KLHL13: variants seen among roughly 807,000 people sequenced by gnomAD.
The protein encoded by KLHL13 is kelch like family member 13, also known as kelch-like protein 13.
In KLHL13, 10 loss-of-function variants were observed where a neutral mutation model predicts 37.1. That is an observed-to-expected ratio of 0.27 (90% confidence interval 0.17 to 0.46). KLHL13 has a LOEUF of 0.46. KLHL13 is among the 20% of genes least tolerant of loss of function. The pLI is 1.00. For synonymous variants in KLHL13, 163 were observed against 181.2 expected, an observed-to-expected ratio of 0.90 and a Z score of 0.81; for missense variants, 360 against 509.3, an observed-to-expected ratio of 0.71 and a Z score of 2.82.
At chrX:118,074,384 G>A (rs1431075716) in intron 1 of KLHL13, among the ~76,000 whole-genome samples, 1 of 111,585 alleles carries the variant, frequency 9.0e-6, no homozygotes, top group Admixed American at 9.6e-5. Context: ...AAATTTGTTG[G>A]CCTCATCCTG....
intron 1 of KLHL13, among the ~76,000 whole-genome samples, chrX:117,964,071 T>C (rs192049733): frequency 0.077 from 6,930 of 89,521 alleles, 310 homozygotes; most frequent in Middle Eastern, 0.13. Flanking sequence ...AGGGATAGCA[T>C]TGGGAGATAT....
intron 1 of KLHL13, among the ~76,000 whole-genome samples, chrX:118,037,181 T>A (rs1163593822): frequency 1.1e-5 from 1 of 90,026 alleles, no homozygotes; most frequent in Non-Finnish European, 2.2e-5. Context: ...TGGAAGTCAG[T>A]GTGGCGATTC....
chrX:117,973,280 G>C (rs1175623369), exon 1 of KLHL13: 25 of 966,902 alleles, frequency 2.6e-5, no homozygotes, highest in Non-Finnish European at 3.0e-5. Context: ...ACATAGATGG[G>C]TTTCATATGA....
intron 1 of KLHL13, among the ~76,000 whole-genome samples, chrX:117,954,210 A>G (rs745702536): frequency 1.8e-5 from 2 of 112,487 alleles, no homozygotes; most frequent in Non-Finnish European, 3.8e-5. Flanking sequence ...CCCTCTGCTT[A>G]CCATATTTCA....
intron 1 of KLHL13, among the ~76,000 whole-genome samples, chrX:118,035,048 G>A (rs1403210269): frequency 1.1e-5 from 1 of 95,207 alleles, no homozygotes; most frequent in Non-Finnish European, 1.9e-5. Context: ...CCAGGAAGAA[G>A]TTGAATCTCT....
intron 1 of KLHL13, among the ~76,000 whole-genome samples, chrX:118,027,684 C>T (rs190396602): frequency 9.1e-6 from 1 of 109,660 alleles, no homozygotes; most frequent in African/African-American, 3.3e-5. Context: ...TTCATACATG[C>T]CCCACCTTTC....
intron 1 of KLHL13, among the ~76,000 whole-genome samples, chrX:117,959,711 A>C (rs1309628337): frequency 1.8e-5 from 2 of 112,017 alleles, no homozygotes; most frequent in African/African-American, 6.5e-5. Flanking sequence ...TTGTGGATTG[A>C]AAGAACCCTG....
At chrX:118,007,659 C>T (rs1247463101) in intron 1 of KLHL13, among the ~76,000 whole-genome samples, 1 of 111,414 alleles carries the variant, frequency 9.0e-6, no homozygotes, top group Non-Finnish European at 1.9e-5. Context: ...TCAGCTATGT[C>T]GTGCTGTGCT....
chrX:118,101,168 ATTATT>A (rs900824160), intron 1 of KLHL13, among the ~76,000 whole-genome samples: 12 of 111,840 alleles, frequency 1.1e-4, no homozygotes, highest in East Asian at 5.6e-4. Context: ...TTTATTTCAA[ATTATT>A]TTATTTTATC....
chrX:117,997,260 G>C (rs141634276), intron 1 of KLHL13, among the ~76,000 whole-genome samples: 6,803 of 109,986 alleles, frequency 0.062, 520 homozygotes, highest in African/African-American at 0.21. Flanking sequence ...AAGAGACTGA[G>C]TCATCAATTT....
At chrX:117,925,168 T>C (rs1363615695) in intron 2 of KLHL13, among the ~76,000 whole-genome samples, 1 of 111,785 alleles carries the variant, frequency 8.9e-6, no homozygotes, top group Non-Finnish European at 1.9e-5. Flanking sequence ...TAAAAATTAC[T>C]TGGATGTCAA....
At chrX:118,000,484 TG>T (rs1315444026) in intron 1 of KLHL13, among the ~76,000 whole-genome samples, 1 of 112,300 alleles carries the variant, frequency 8.9e-6, no homozygotes, top group Non-Finnish European at 1.9e-5. Context: ...GTAACAGTAA[TG>T]TTATACTCAC....
intron 5 of KLHL13, among the ~76,000 whole-genome samples, chrX:117,907,967 T>G (rs2147630979): frequency 9.0e-6 from 1 of 110,997 alleles, no homozygotes; most frequent in African/African-American, 3.2e-5. Context: ...TATTGAAAAA[T>G]AAAGATTCTG....
exon 7 of KLHL13, chrX:117,899,271 T>C: frequency 8.3e-7 from 1 of 1,211,198 alleles, no homozygotes; most frequent in Non-Finnish European, 1.1e-6. Context: ...CATAGAGCCT[T>C]TCTCCCACTG....
At chrX:118,090,284 T>G (rs989087377) in intron 1 of KLHL13, among the ~76,000 whole-genome samples, 18 of 110,753 alleles carry the variant, frequency 1.6e-4, no homozygotes, top group Non-Finnish European at 3.4e-4. Context: ...GGGATCTAAT[T>G]AAACTAAAGA....
At chrX:118,063,505 T>C (rs1183082295) in intron 1 of KLHL13, among the ~76,000 whole-genome samples, 2 of 111,510 alleles carry the variant, frequency 1.8e-5, no homozygotes, top group Non-Finnish European at 3.8e-5. Flanking sequence ...TAACTCAGGG[T>C]TACTTTTAAT....
At chrX:118,027,864 T>C (rs946589588) in intron 1 of KLHL13, among the ~76,000 whole-genome samples, 1 of 111,478 alleles carries the variant, frequency 9.0e-6, no homozygotes, top group Non-Finnish European at 1.9e-5. Flanking sequence ...TTCCAAATGT[T>C]TCATCCAAAC....
At chrX:118,082,924 T>C (rs1034492329) in intron 1 of KLHL13, among the ~76,000 whole-genome samples, 1 of 111,759 alleles carries the variant, frequency 8.9e-6, no homozygotes, top group Non-Finnish European at 1.9e-5. Flanking sequence ...GTGTATTTGT[T>C]TCTAGGTTCT....
At chrX:118,053,627 A>G (rs1602686963) in intron 1 of KLHL13, among the ~76,000 whole-genome samples, 1 of 108,785 alleles carries the variant, frequency 9.2e-6, no homozygotes, top group East Asian at 2.8e-4. Flanking sequence ...GTACCCTAAA[A>G]CTTAAAGTAT....
Sources: gnomAD v4.1 joint callset for allele counts (sites outside exome capture counted in the v4.1 genomes callset) on GRCh38, gnomAD v4.1.1 for gene constraint, MANE v1.5 for transcripts, NCBI Gene and HGNC (gene_info 2026-07-23, HGNC 2026-07-21) for gene names.